The following NOL4L variants were observed in gnomAD, a reference collection of about 807,000 sequenced individuals.
The protein encoded by NOL4L is nucleolar protein 4 like.
A neutral mutation model predicts 64.5 loss-of-function variants in NOL4L; 7 were observed. The ratio of observed to expected loss-of-function variants is 0.11; its 90% confidence interval spans 0.06 to 0.20. The LOEUF (loss-of-function observed/expected upper bound fraction) is 0.20. NOL4L is among the 10% of genes least tolerant of loss of function. The probability of loss-of-function intolerance (pLI) is 1.00; values close to 1 mark genes in which losing one functional copy is unlikely to be tolerated. For synonymous variants in NOL4L, 413 were observed against 401.0 expected, an observed-to-expected ratio of 1.03 and a Z score of -0.36; for missense variants, 680 against 967.1, an observed-to-expected ratio of 0.70 and a Z score of 3.94.
intron 1 of NOL4L, among the ~76,000 whole-genome samples, chr20:32,582,969 C>T (rs567171311): frequency 2.6e-5 from 4 of 151,838 alleles, no homozygotes; most frequent in African/African-American, 4.8e-5. Flanking sequence ...GACCCAGACT[C>T]GCCGGGTTTG....
At position 32,514,652 on chromosome 20, in the gene NOL4L, T is replaced by A. The variant is rs553129215; in HGVS notation, c.590-3196A>T. ...ACTCAAATGGGTTTCCACCCCACCG[T>A]CAACCTAGATTTGACTTTCTTAACC... On this transcript the variant is annotated intron_variant, in intron 3 of 10. Transcript: ENST00000621426. 1.5e-4 allele frequency among the ~76,000 whole-genome samples: 23 copies of A among 152,120 alleles called. No individual in the cohort carries two copies. In the South Asian group the frequency reaches 4.6e-3, roughly 30 times the overall value.
Position 32,584,732 on chromosome 20 carries a change from G to C in NOL4L, c.159C>G (p.Ala53=). The C allele has an allele frequency of 1.3e-6, 2 of 1,547,954 alleles. No homozygotes were observed. Among genetic ancestry groups the C allele is most frequent in the Non-Finnish European group, 1.7e-6 (2 of 1,145,812 alleles). ...TVTRSKYQRI[A]EVLQGGGGTG... ...TCCCGCCGCCGCCCTGCAGGACCTC[G>C]GCGATCCGCTGGTATTTGCTGCGTG... Residue 53 remains alanine, a synonymous_variant, in exon 1 of 11, where the codon GCC becomes GCG. Coordinates refer to ENST00000621426, the MANE Select transcript of NOL4L (RefSeq NM_001256798.2).
chr20:32,513,575 C>T (rs535698582), intron 3 of NOL4L, among the ~76,000 whole-genome samples: 8 of 152,152 alleles, frequency 5.3e-5, no homozygotes, highest in Non-Finnish European at 7.4e-5. Context: ...TAAAATGGAA[C>T]GATTAAGCCG....
At chr20:32,583,408 A>T (rs1980624695) in intron 1 of NOL4L, among the ~76,000 whole-genome samples, 1 of 144,252 alleles carries the variant, frequency 6.9e-6, no homozygotes, top group Non-Finnish European at 1.5e-5. Context: ...CCGGCCGGGG[A>T]CGGGGCTGAG....
chr20:32,567,349 A>T (rs1979491154), intron 1 of NOL4L, among the ~76,000 whole-genome samples: 2 of 152,196 alleles, frequency 1.3e-5, no homozygotes, highest in African/African-American at 4.8e-5. Flanking sequence ...GATTTAGGGA[A>T]CGGGATCTGC....
At position 32,463,851 on chromosome 20, in the gene NOL4L, C is replaced by T. The variant is rs1015731950; in HGVS notation, c.842-7456G>A. On this transcript the variant is annotated intron_variant, in intron 5 of 10. Coordinates refer to ENST00000621426, the MANE Select transcript of NOL4L (RefSeq NM_001256798.2). This position sits in a 1 kb window ranked among gnomAD's most constrained non-coding sequence, Gnocchi z 5.8. The stretch of plus-strand genomic sequence containing the variant: ...CCGGTGGGCGACTCCCACCAGCTCC[C>T]AGGCTAGGCTCGGAGAACGGGAAGG... Among the ~76,000 whole-genome samples, 1 of 152,138 alleles carries T rather than the reference C, an allele frequency of 6.6e-6. No homozygotes were observed. The highest frequency in any genetic ancestry group is 2.4e-5 in the African/African-American group (1 of 41,426).
intron 6 of NOL4L, among the ~76,000 whole-genome samples, chr20:32,455,359 C>T (rs894978902): frequency 2.6e-5 from 4 of 152,230 alleles, no homozygotes; most frequent in African/African-American, 9.7e-5. Context: ...AGCACTGAGC[C>T]CATGGTACAG....
At chr20:32,521,584 G>C (rs2017935972) in intron 2 of NOL4L, among the ~76,000 whole-genome samples, 1 of 152,164 alleles carries the variant, frequency 6.6e-6, no homozygotes, top group Non-Finnish European at 1.5e-5. Flanking sequence ...CTCCACAGTT[G>C]CCTCCAGAAG....
intron 1 of NOL4L, among the ~76,000 whole-genome samples, chr20:32,550,229 A>G (rs1199454932): frequency 6.6e-6 from 1 of 152,220 alleles, no homozygotes; most frequent in Non-Finnish European, 1.5e-5. Context: ...ACTGTAGACT[A>G]TTGTAACACA....
chr20:32,569,696 A>G (rs1348868906), intron 1 of NOL4L, among the ~76,000 whole-genome samples: 7 of 152,254 alleles, frequency 4.6e-5, no homozygotes, highest in Middle Eastern at 3.4e-3. Context: ...GCTGGAGAGC[A>G]CACCAGCCCC....
rs751078667 is a variant in NOL4L, at chr20:32,456,174, A to C, written c.1063T>G (p.Cys355Gly). Residue 355 changes from cysteine (C) to glycine (G), a missense_variant, in exon 6 of 11, where the codon TGC becomes GGC. Physicochemically the swap from Cys to Gly is radical, Grantham distance 159. Around this residue, in one of 4 missense-constraint regions of NOL4L, gnomAD observed 254 missense variants for 238.7 expected, o/e 1.06. Coordinates refer to ENST00000621426, the MANE Select transcript of NOL4L (RefSeq NM_001256798.2). ...CGGCTCCGCAGCCCGTCGGCACCGCAGCCATCCGAGGGGTAGGAGGCTGTG... is the reference window on the plus strand; with the variant it reads ...CGGCTCCGCAGCCCGTCGGCACCGCCGCCATCCGAGGGGTAGGAGGCTGTG... Reference protein sequence around the residue: ...LGTASYPSDGCGADGLRSRVK... With the variant: ...LGTASYPSDGGGADGLRSRVK... 8 of 1,591,974 alleles carry C rather than the reference A, an allele frequency of 5.0e-6. No homozygotes were observed. The highest frequency in any genetic ancestry group is 6.8e-6 in the Non-Finnish European group (8 of 1,168,234).
At chr20:32,481,964 CGG>C (rs61641396) in intron 4 of NOL4L, among the ~76,000 whole-genome samples, 6 of 27,950 alleles carry the variant, frequency 2.1e-4, no homozygotes, top group African/African-American at 7.0e-4. Flanking sequence ...TGGGGCGGGG[CGG>C]GGGGGGGGGA....
At chr20:32,532,599 C>T (rs2018383729) in intron 1 of NOL4L, among the ~76,000 whole-genome samples, 1 of 152,204 alleles carries the variant, frequency 6.6e-6, no homozygotes, top group African/African-American at 2.4e-5. Flanking sequence ...GCAGAAAGCA[C>T]CTTCCCTGTA....
intron 5 of NOL4L, among the ~76,000 whole-genome samples, chr20:32,465,452 C>G (rs1011048839): frequency 6.6e-6 from 1 of 152,250 alleles, no homozygotes. Context: ...AGAGCCCCTC[C>G]CCCAACACCT....
intron 4 of NOL4L, among the ~76,000 whole-genome samples, chr20:32,482,804 C>A (rs992750168): frequency 1.3e-5 from 2 of 150,690 alleles, no homozygotes; most frequent in African/African-American, 4.9e-5. Context: ...CTCCCTGACA[C>A]TCAACGCTTC....
At chr20:32,489,598 G>T (rs1367471484) in intron 4 of NOL4L, among the ~76,000 whole-genome samples, 1 of 152,088 alleles carries the variant, frequency 6.6e-6, no homozygotes, top group Non-Finnish European at 1.5e-5. Flanking sequence ...ATTATGTGTG[G>T]ATTTGTATTA....
chr20:32,446,361 G>C lies in NOL4L; in HGVS notation c.*1235C>G, dbSNP rs1311863464. 1 of 152,266 alleles carries C rather than the reference G, an allele frequency of 6.6e-6. No homozygotes were observed. The highest frequency in any genetic ancestry group is 1.5e-5 in the Non-Finnish European group (1 of 68,078). 9.4% of individuals were successfully genotyped at this position (152,266 alleles called of 1,614,324 possible). On this transcript the variant is annotated 3_prime_UTR_variant, in exon 11 of 11. Coordinates refer to ENST00000621426, the MANE Select transcript of NOL4L (RefSeq NM_001256798.2). ...GGCTGGTCTTAGGAGAACCCAAGTG[G>C]CTCCTCCACTTCCACTGATCCCTTT... is the stretch of plus-strand genomic sequence containing the variant.
intron 3 of NOL4L, among the ~76,000 whole-genome samples, chr20:32,515,256 T>C (rs1352596042): frequency 6.6e-6 from 1 of 152,138 alleles, no homozygotes; most frequent in African/African-American, 2.4e-5. Flanking sequence ...GTCCTGGTCT[T>C]GGGGAAGCTG....
rs6119896 is a variant in NOL4L at position 32,556,845 on chromosome 20, C to T, written c.321+27725G>A. ...GGTTAACAGTGGAGCCAGAGCTGGA[C>T]GTGCCGGAGCCACAGTGCCTCGCCA... On this transcript the variant is annotated intron_variant, in intron 1 of 10. Coordinates refer to ENST00000621426, the MANE Select transcript of NOL4L (RefSeq NM_001256798.2). Among the ~76,000 whole-genome samples, 776 of 152,350 alleles carry T rather than the reference C, an allele frequency of 5.1e-3. 7 individuals carry two copies. The highest frequency in any genetic ancestry group is 0.018 in the African/African-American group (755 of 41,572).
Sources: allele counts gnomAD v4.1 joint callset (sites outside exome capture counted in the v4.1 genomes callset), GRCh38; gene constraint gnomAD v4.1.1; regional missense constraint gnomAD v4.1.1; non-coding constraint Gnocchi (gnomAD v3.1); transcripts MANE v1.5; gene names NCBI Gene and HGNC (gene_info 2026-07-23, HGNC 2026-07-21).